CDKAL1: variants seen among roughly 807,000 people sequenced by gnomAD.
The protein encoded by CDKAL1 is threonylcarbamoyladenosine tRNA methylthiotransferase.
Under a neutral mutation model 68.2 loss-of-function variants are expected in CDKAL1, and 32 were observed. The observed-to-expected ratio is 0.47, with a 90% CI of 0.35 to 0.63. The LOEUF (loss-of-function observed/expected upper bound fraction) is 0.63. Ranked by LOEUF, CDKAL1 falls within the 30% of genes least tolerant of loss-of-function variation. CDKAL1 has a pLI of 0.00. For synonymous variants in CDKAL1, 234 were observed against 244.3 expected, an observed-to-expected ratio of 0.96 and a Z score of 0.39; for missense variants, 606 against 696.7, an observed-to-expected ratio of 0.87 and a Z score of 1.47.
intron 10 of CDKAL1, among the ~76,000 whole-genome samples, chr6:20,987,160 C>G (rs1474217496): frequency 6.6e-6 from 1 of 151,974 alleles, no homozygotes; most frequent in Non-Finnish European, 1.5e-5. Flanking sequence ...AATCAAGATG[C>G]CTTAAGTTTT....
intron 9 of CDKAL1, among the ~76,000 whole-genome samples, chr6:20,852,537 AAATGT>A (rs1253668430): frequency 6.6e-6 from 1 of 152,256 alleles, no homozygotes; most frequent in Non-Finnish European, 1.5e-5. Flanking sequence ...AGAACTAAAT[AAATGT>A]AATGTACATA....
In CDKAL1 at chr6:21,231,996, T is replaced by TTTTTTG; in HGVS notation, c.*962_*963insGTTTTT. The stretch of plus-strand genomic sequence containing the variant: ...TCACATTTTTGATCCATTGGGGTTT[T>TTTTTTG]TTTTTTGTTTTTGTTTTTTTTTTTT... On this transcript the variant is annotated 3_prime_UTR_variant, in exon 16 of 16. Transcript: ENST00000274695. The TTTTTTG allele has an allele frequency of 7.2e-6, 1 of 138,404 alleles. No homozygotes were observed. The highest frequency in any genetic ancestry group is 2.6e-5 in the African/African-American group (1 of 38,450). 8.6% of individuals were successfully genotyped at this position (138,404 alleles called of 1,614,324 possible).
intron 5 of CDKAL1, among the ~76,000 whole-genome samples, chr6:20,712,480 C>G (rs1771891255): frequency 6.8e-6 from 1 of 147,560 alleles, no homozygotes; most frequent in Non-Finnish European, 1.5e-5. Context: ...GCTTCAATAC[C>G]TAATCAGTGT....
At chr6:20,671,119 A>G (rs1417304007) in intron 5 of CDKAL1, among the ~76,000 whole-genome samples, 2 of 152,224 alleles carry the variant, frequency 1.3e-5, no homozygotes. Context: ...GGGTTGTAAC[A>G]CTTTATATCC....
At chr6:21,106,035 C>T (rs1435826668) in intron 12 of CDKAL1, among the ~76,000 whole-genome samples, 1 of 152,080 alleles carries the variant, frequency 6.6e-6, no homozygotes, top group Non-Finnish European at 1.5e-5. Context: ...CAAATTGATG[C>T]AATATTTGTG....
chr6:20,973,334 A>G (rs1030075549), intron 10 of CDKAL1, among the ~76,000 whole-genome samples: 24 of 152,232 alleles, frequency 1.6e-4, no homozygotes, highest in East Asian at 5.8e-4. Flanking sequence ...TTTGGGTCAC[A>G]TATTCCTAAT....
chr6:21,198,058 C>CT lies in CDKAL1; in HGVS notation c.1341dup (p.Asp448Ter). On this transcript the variant is annotated frameshift_variant, in exon 14 of 16. Transcript: ENST00000274695. LOFTEE classifies it high-confidence loss of function. ...CAACAAGTGTTAGTAACAGAAGAAT[C>CT]TTTTGATTCCAAGTTTTATGTTGCA... is the stretch of plus-strand genomic sequence containing the variant. 1.2e-6 allele frequency: 2 copies of CT among 1,606,718 alleles called. No individual in the cohort carries two copies. The highest frequency in any genetic ancestry group is 1.7e-6 in the Non-Finnish European group (2 of 1,176,460).
chr6:21,205,830 C>CTTTTTTTTTTTTTTT (rs34849597), intron 15 of CDKAL1, among the ~76,000 whole-genome samples: 9 of 66,610 alleles, frequency 1.4e-4, no homozygotes, highest in African/African-American at 6.1e-4. Context: ...CGCGCCCAGC[C>CTTTTTTTTTTTTTTT]TTTTTTTTTT....
At chr6:20,738,485 G>GT (rs71712438) in intron 5 of CDKAL1, among the ~76,000 whole-genome samples, 5,310 of 119,592 alleles carry the variant, frequency 0.044, 282 homozygotes, top group African/African-American at 0.11. Flanking sequence ...CTACTTCTTA[G>GT]TTTTTTTTTT....
intron 9 of CDKAL1, among the ~76,000 whole-genome samples, chr6:20,892,221 A>G (rs980891720): frequency 2.6e-5 from 4 of 152,186 alleles, no homozygotes; most frequent in African/African-American, 9.6e-5. Context: ...CAACTAAGAA[A>G]GAGGTGTGGA....
chr6:20,921,063 T>C (rs1762932630), intron 9 of CDKAL1, among the ~76,000 whole-genome samples: 7 of 152,174 alleles, frequency 4.6e-5, no homozygotes, highest in Admixed American at 4.6e-4. Flanking sequence ...AGTCATTGTT[T>C]GGATGCTTTA....
intron 4 of CDKAL1, among the ~76,000 whole-genome samples, chr6:20,609,216 TTTC>T (rs1316142011): frequency 6.6e-6 from 1 of 150,540 alleles, no homozygotes; most frequent in Non-Finnish European, 1.5e-5. Context: ...ACCTTTTTAT[TTTC>T]TTCTTCTTTC....
intron 8 of CDKAL1, among the ~76,000 whole-genome samples, chr6:20,784,762 A>G (rs2150381007): frequency 6.6e-6 from 1 of 152,252 alleles, no homozygotes; most frequent in South Asian, 2.1e-4. Context: ...ATCTGTAGAT[A>G]TGGCACACAC....
chr6:21,114,455 G>C (rs1276354743), intron 13 of CDKAL1, among the ~76,000 whole-genome samples: 1 of 152,112 alleles, frequency 6.6e-6, no homozygotes, highest in East Asian at 1.9e-4. Context: ...CCTCTAAGCT[G>C]GATGTGGTGG....
chr6:20,939,419 T>G (rs961335339), intron 9 of CDKAL1, among the ~76,000 whole-genome samples: 1 of 152,180 alleles, frequency 6.6e-6, no homozygotes, highest in East Asian at 1.9e-4. Context: ...GAATACAGAA[T>G]GAAAATGTAT....
chr6:20,789,689 G>A (rs1195423299), intron 8 of CDKAL1, among the ~76,000 whole-genome samples: 3 of 152,078 alleles, frequency 2.0e-5, no homozygotes, highest in Non-Finnish European at 4.4e-5. Flanking sequence ...GAATGAATTT[G>A]GATAAAAAGC....
At chr6:20,959,434 A>G (rs1347865151) in intron 10 of CDKAL1, among the ~76,000 whole-genome samples, 1 of 152,124 alleles carries the variant, frequency 6.6e-6, no homozygotes, top group Non-Finnish European at 1.5e-5. Context: ...TAAAGTCCCT[A>G]TTGCCTAAAG....
intron 9 of CDKAL1, among the ~76,000 whole-genome samples, chr6:20,909,879 G>A (rs1023152834): frequency 6.6e-6 from 1 of 152,048 alleles, no homozygotes; most frequent in Non-Finnish European, 1.5e-5. Context: ...GAGTTTAGCG[G>A]GTTTGCACCT....
intron 9 of CDKAL1, among the ~76,000 whole-genome samples, chr6:20,876,926 C>G (rs574475944): frequency 1.3e-5 from 2 of 152,258 alleles, no homozygotes; most frequent in East Asian, 3.9e-4. Context: ...AATTAGTCTT[C>G]TACATATTAT....
Sources: gnomAD v4.1 joint callset for allele counts (sites outside exome capture counted in the v4.1 genomes callset) on GRCh38, gnomAD v4.1.1 for gene constraint, MANE v1.5 for transcripts, NCBI Gene and HGNC (gene_info 2026-07-23, HGNC 2026-07-21) for gene names.